DENND5B: variants seen among roughly 807,000 people sequenced by gnomAD.
DENND5B encodes the protein DENN domain-containing protein 5B.
A neutral mutation model predicts 140.6 loss-of-function variants in DENND5B; 34 were observed. The observed-to-expected ratio is 0.24, with a 90% CI of 0.18 to 0.32. DENND5B has a LOEUF of 0.32. DENND5B is among the 10% of genes least tolerant of loss of function. DENND5B has a pLI of 1.00. For missense variants in DENND5B, 1,142 were observed against 1,560.2 expected (o/e 0.73, Z 4.52); for synonymous variants, 551 against 562.1 (o/e 0.98, Z 0.28).
intron 14 of DENND5B, among the ~76,000 whole-genome samples, chr12:31,405,307 C>T (rs969677569): frequency 1.3e-5 from 2 of 152,004 alleles, no homozygotes; most frequent in African/African-American, 4.8e-5. Flanking sequence ...ATCTCCACCT[C>T]CTGGGCTCAA....
rs764155041 is a variant in DENND5B at position 31,387,759 on chromosome 12, T to C, written c.3669A>G (p.Pro1223=). Residue 1223 remains proline (P), a synonymous_variant, in exon 21 of 21, where the codon CCA becomes CCG. Transcript: ENST00000389082. ...TRDRLLPQWI[P]LLAECPAITR... ...TGATGGCAGGACACTCAGCTAACAA[T>C]GGAATCCACTGTGGGAGCAGGCGAT... The C allele has an allele frequency of 6.8e-6, 11 of 1,613,764 alleles. No individual in the cohort carries two copies. In the Admixed American group the frequency reaches 1.0e-4, roughly 15 times the overall value.
chr12:31,426,530 G>T, intron 8 of DENND5B, 106 bp from the exon 9 acceptor site: 2 of 1,263,710 alleles, frequency 1.6e-6, no homozygotes, highest in East Asian at 2.6e-5. Flanking sequence ...AAAAAAGTCC[G>T]TAAGTGTATG....
chr12:31,441,353 T>C (rs749913110), intron 7 of DENND5B, among the ~76,000 whole-genome samples: 31 of 151,776 alleles, frequency 2.0e-4, no homozygotes, highest in Non-Finnish European at 4.4e-5. Flanking sequence ...TCAAAAAAAA[T>C]GTATGTATTT....
chr12:31,420,470 A>G (rs1189029585), intron 11 of DENND5B, among the ~76,000 whole-genome samples: 1 of 146,532 alleles, frequency 6.8e-6, no homozygotes, highest in Non-Finnish European at 1.5e-5. Flanking sequence ...TTGAGACAGC[A>G]TCTTGCTCTG....
chr12:31,569,241 G>A lies in DENND5B; in HGVS notation c.127+21465C>T, dbSNP rs190607993. ...ACTGCCAACACCCAGCTAATTTTCTGTATTTTTGGTAGAGATGGAGTTTCA... is the reference window on the plus strand; with the variant it reads ...ACTGCCAACACCCAGCTAATTTTCTATATTTTTGGTAGAGATGGAGTTTCA... On this transcript the variant is annotated intron_variant, in intron 1 of 20. Coordinates refer to ENST00000389082, the MANE Select transcript of DENND5B (RefSeq NM_144973.4). Among the ~76,000 whole-genome samples the A allele has an allele frequency of 3.8e-3, 577 of 151,722 alleles. 5 individuals carry two copies. Among genetic ancestry groups the A allele is most frequent in the African/African-American group, 0.012 (509 of 41,370 alleles).
chr12:31,453,222 T>C (rs1020125358), intron 4 of DENND5B, among the ~76,000 whole-genome samples: 5 of 152,206 alleles, frequency 3.3e-5, no homozygotes, highest in Admixed American at 3.3e-4. Context: ...CAAGTGCATA[T>C]GTAACTATGC....
chr12:31,555,934 G>A (rs762686534), intron 1 of DENND5B, among the ~76,000 whole-genome samples: 1 of 152,168 alleles, frequency 6.6e-6, no homozygotes, highest in Non-Finnish European at 1.5e-5. Context: ...GGAGTGAGCC[G>A]ATTTTCCAGG....
chr12:31,590,967 G>C lies in DENND5B; in HGVS notation c.-135C>G. 24 of 972,898 alleles carry C rather than the reference G, an allele frequency of 2.5e-5. No individual in the cohort carries two copies. Among genetic ancestry groups the C allele is most frequent in the Non-Finnish European group, 3.0e-5 (24 of 796,564 alleles). The allele number at this position is 972,898 out of a possible 1,614,324, so 60.3% of individuals were successfully genotyped here. ...CTGGCGCGCCCATGGCCGCGCAGCC[G>C]CCTCTCGCCGCCGCAGCCTGCCTCC... On this transcript the variant is annotated 5_prime_UTR_variant, in exon 1 of 21. Coordinates refer to ENST00000389082, the MANE Select transcript of DENND5B (RefSeq NM_144973.4).
chr12:31,477,918 C>T (rs1366438447), intron 3 of DENND5B: 3 of 226,498 alleles, frequency 1.3e-5, no homozygotes, highest in Non-Finnish European at 3.0e-5. Flanking sequence ...CTAAGCTCTG[C>T]CTCAAGAGCA....
chr12:31,398,669 T>G (rs765173807), intron 16 of DENND5B, among the ~76,000 whole-genome samples: 2 of 152,172 alleles, frequency 1.3e-5, no homozygotes, highest in Non-Finnish European at 2.9e-5. Flanking sequence ...AATGTTTCCA[T>G]AGAGTAGTGT....
In DENND5B at chr12:31,387,492, G is replaced by T; in HGVS notation, c.*111C>A. The T allele has an allele frequency of 9.2e-7, 1 of 1,083,582 alleles. No homozygotes were observed. Among genetic ancestry groups the T allele is most frequent in the Non-Finnish European group, 1.3e-6 (1 of 751,798 alleles). The allele number at this position is 1,083,582 out of a possible 1,614,324, so 67.1% of individuals were successfully genotyped here. A position where few individuals can be genotyped will look rare whatever the true frequency, so the allele number is the denominator to read the frequency against. On this transcript the variant is annotated 3_prime_UTR_variant, in exon 21 of 21. Coordinates refer to ENST00000389082, the MANE Select transcript of DENND5B (RefSeq NM_144973.4). ...GTAGAGTGAGGATTGTTCCAAATGG[G>T]GCATATGTTTGGCTGCCCCTGCAGT...
chr12:31,561,897 GT>G (rs1565698145), intron 1 of DENND5B, among the ~76,000 whole-genome samples: 2 of 152,126 alleles, frequency 1.3e-5, no homozygotes, highest in African/African-American at 2.4e-5. Flanking sequence ...AACTTTCTCC[GT>G]AAGTTTAAGC....
At chr12:31,589,476 T>C (rs1326802011) in intron 1 of DENND5B, among the ~76,000 whole-genome samples, 1 of 151,878 alleles carries the variant, frequency 6.6e-6, no homozygotes, top group Non-Finnish European at 1.5e-5. Context: ...AAGAAAATGT[T>C]TTGCTCTGAA....
chr12:31,571,324 C>A (rs1176503464), intron 1 of DENND5B, among the ~76,000 whole-genome samples: 1 of 152,216 alleles, frequency 6.6e-6, no homozygotes, highest in African/African-American at 2.4e-5. Context: ...CTTCTGCTAA[C>A]TAGCTTCTTC....
intron 1 of DENND5B, among the ~76,000 whole-genome samples, chr12:31,526,431 C>A (rs189848132): frequency 6.6e-6 from 1 of 152,150 alleles, no homozygotes; most frequent in Non-Finnish European, 1.5e-5. Flanking sequence ...ATGATCTTGT[C>A]TAAAGTTCAA....
chr12:31,494,894 C>T (rs958233601), intron 2 of DENND5B, among the ~76,000 whole-genome samples: 5 of 152,190 alleles, frequency 3.3e-5, no homozygotes, highest in African/African-American at 1.2e-4. Context: ...TGCTCCCACC[C>T]TGTGGATTGT....
intron 2 of DENND5B, among the ~76,000 whole-genome samples, chr12:31,490,139 C>A (rs1018980155): frequency 2.0e-5 from 2 of 100,872 alleles, no homozygotes; most frequent in Non-Finnish European, 3.9e-5. Context: ...GTACCATTCA[C>A]TGACAAAAGA....
intron 3 of DENND5B, among the ~76,000 whole-genome samples, chr12:31,460,925 C>T (rs1162540975): frequency 6.6e-6 from 1 of 152,056 alleles, no homozygotes; most frequent in Non-Finnish European, 1.5e-5. Flanking sequence ...GGGGATTCTC[C>T]ATGTTGGCCA....
At chr12:31,556,040 G>A (rs1023859043) in intron 1 of DENND5B, among the ~76,000 whole-genome samples, 2 of 152,186 alleles carry the variant, frequency 1.3e-5, no homozygotes, top group South Asian at 2.1e-4. Context: ...TTCGGCTTGC[G>A]CGTGGTGCGC....
Sources: allele counts gnomAD v4.1 joint callset (sites outside exome capture counted in the v4.1 genomes callset), GRCh38; gene constraint gnomAD v4.1.1; transcripts MANE v1.5; gene names NCBI Gene and HGNC (gene_info 2026-07-23, HGNC 2026-07-21).